The following SORCS1 variants were observed in gnomAD, a reference collection of about 807,000 sequenced individuals.
SORCS1 encodes the protein VPS10 domain-containing receptor SorCS1.
Under a neutral mutation model 146.1 loss-of-function variants are expected in SORCS1, and 60 were observed. The observed-to-expected ratio is 0.41, with a 90% CI of 0.33 to 0.51. The LOEUF (loss-of-function observed/expected upper bound fraction) is 0.51, where lower values mean the gene tolerates loss of function less well. Among genes scored for constraint, SORCS1 ranks in the 20% least tolerant of loss-of-function variants. The probability of loss-of-function intolerance (pLI) is 0.21; values close to 1 mark genes in which losing one functional copy is unlikely to be tolerated. For synonymous variants in SORCS1, 637 were observed against 584.0 expected (o/e 1.09, Z -1.31); for missense variants, 1,352 against 1,487.6 (o/e 0.91, Z 1.50).
chr10:106,716,104 G>A (rs940513692), intron 6 of SORCS1, among the ~76,000 whole-genome samples: 2 of 151,992 alleles, frequency 1.3e-5, no homozygotes, highest in Non-Finnish European at 2.9e-5. Context: ...TTTTAAGTAC[G>A]TTTTTAAAAA....
chr10:107,157,911 G>A (rs1205558629), intron 1 of SORCS1, among the ~76,000 whole-genome samples: 1 of 152,170 alleles, frequency 6.6e-6, no homozygotes, highest in African/African-American at 2.4e-5. Flanking sequence ...TCCCCTCCAG[G>A]AGACACAAGT....
chr10:107,060,041 ATG>A lies in SORCS1; in HGVS notation c.559-103463_559-103462del, dbSNP rs1961030920. 6.6e-6 allele frequency among the ~76,000 whole-genome samples: 1 copy of A among 152,090 alleles called. No individual in the cohort carries two copies. The highest frequency in any genetic ancestry group is 6.5e-5 in the Admixed American group (1 of 15,270). On this transcript the variant is annotated intron_variant, in intron 1 of 25. Transcript: ENST00000263054. This position sits in a 1 kb window ranked among gnomAD's most constrained non-coding sequence, Gnocchi z 4.1. ...ATGACACAGTGGTCTTTAATCTACC[ATG>A]TGTCCTCATACACAGAATCCTTATC... is the stretch of plus-strand genomic sequence containing the variant.
At chr10:107,016,822 T>A (rs963772567) in intron 1 of SORCS1, among the ~76,000 whole-genome samples, 1 of 151,968 alleles carries the variant, frequency 6.6e-6, no homozygotes, top group Admixed American at 6.5e-5. Context: ...AATCCTTCAA[T>A]CAAAAGAAAA....
intron 5 of SORCS1, among the ~76,000 whole-genome samples, chr10:106,731,886 AAG>A (rs1564908632): frequency 6.6e-6 from 1 of 152,190 alleles, no homozygotes; most frequent in African/African-American, 2.4e-5. Context: ...AAGAAAAGGA[AAG>A]AAGTTAGGAG....
chr10:107,109,858 G>A (rs1965573670), intron 1 of SORCS1, among the ~76,000 whole-genome samples: 1 of 152,126 alleles, frequency 6.6e-6, no homozygotes, highest in Non-Finnish European at 1.5e-5. Flanking sequence ...TGATAGGTAG[G>A]CTATTAGAAG....
intron 9 of SORCS1, among the ~76,000 whole-genome samples, chr10:106,694,184 C>A (rs1445154429): frequency 6.6e-6 from 1 of 152,152 alleles, no homozygotes; most frequent in Non-Finnish European, 1.5e-5. Flanking sequence ...TCTCTGTTGC[C>A]TCAACCAAAG....
At chr10:106,657,604 T>C (rs577596253) in intron 17 of SORCS1, among the ~76,000 whole-genome samples, 26 of 151,064 alleles carry the variant, frequency 1.7e-4, no homozygotes, top group African/African-American at 5.6e-4. Context: ...CCAAAAGGTA[T>C]TGAAATAATA....
intron 2 of SORCS1, among the ~76,000 whole-genome samples, chr10:106,923,288 C>CT (rs1351423993): frequency 1.3e-5 from 2 of 152,158 alleles, no homozygotes; most frequent in Non-Finnish European, 2.9e-5. Flanking sequence ...GGCTCTTTTG[C>CT]TTAGTAATAA....
At chr10:107,004,138 T>C (rs1957338149) in intron 1 of SORCS1, among the ~76,000 whole-genome samples, 1 of 129,624 alleles carries the variant, frequency 7.7e-6, no homozygotes, top group African/African-American at 3.1e-5. Flanking sequence ...ATTGCGCCAC[T>C]GCACTCCAGC....
At chr10:106,591,455 G>A (rs1266662928) in intron 24 of SORCS1, among the ~76,000 whole-genome samples, 2 of 152,200 alleles carry the variant, frequency 1.3e-5, no homozygotes, top group Admixed American at 6.5e-5. Flanking sequence ...ATGTCATGGG[G>A]ACAGGTTCAC....
At chr10:106,867,668 A>C (rs1950270827) in intron 2 of SORCS1, among the ~76,000 whole-genome samples, 1 of 152,236 alleles carries the variant, frequency 6.6e-6, no homozygotes, top group African/African-American at 2.4e-5. Context: ...AGGAGAAATA[A>C]GTTCCTTTTC....
chr10:106,756,939 A>C (rs1858689346), intron 5 of SORCS1, among the ~76,000 whole-genome samples: 1 of 152,002 alleles, frequency 6.6e-6, no homozygotes, highest in Non-Finnish European at 1.5e-5. Flanking sequence ...TGCTATATAA[A>C]CCCATACTTT....
Position 106,821,394 on chromosome 10 carries a change from C to T in SORCS1, c.726+8180G>A, listed in dbSNP as rs1246094564. ...CCTTTCTACCTATTTATTGAGCTAG[C>T]TAAATACCTGTATCTTTTAAAAATA... On this transcript the variant is annotated intron_variant, in intron 3 of 25. Coordinates refer to ENST00000263054, the MANE Select transcript of SORCS1 (RefSeq NM_052918.5). 3.9e-5 allele frequency among the ~76,000 whole-genome samples: 6 copies of T among 152,234 alleles called. 1 individual carries two copies. Among genetic ancestry groups the T allele is most frequent in the Admixed American group, 3.9e-4 (6 of 15,302 alleles).
chr10:106,729,500 G>C (rs1223890654), intron 6 of SORCS1, among the ~76,000 whole-genome samples: 1 of 151,632 alleles, frequency 6.6e-6, no homozygotes, highest in African/African-American at 2.4e-5. Context: ...AAGACAGTGA[G>C]GCATGGCCTG....
Position 106,926,452 on chromosome 10 carries a change from A to T in SORCS1, c.626+30061T>A, listed in dbSNP as rs553187537. Among the ~76,000 whole-genome samples the T allele has an allele frequency of 3.3e-5, 5 of 152,294 alleles. No homozygotes were observed. The East Asian group carries it at 9.7e-4, about 29-fold the overall frequency. ...ATCTGAAAAGTGGGGATTAAAAAAA[A>T]GTAACTGCCTGAATGGGCTGCTGTG... On this transcript the variant is annotated intron_variant, in intron 2 of 25. Transcript: ENST00000263054.
At chr10:106,891,565 C>G (rs765796557) in intron 2 of SORCS1, among the ~76,000 whole-genome samples, 1 of 141,656 alleles carries the variant, frequency 7.1e-6, no homozygotes, top group Non-Finnish European at 1.5e-5. Context: ...AGTGGCATCA[C>G]CATAGCTCAC....
chr10:106,933,076 T>C (rs566471500), intron 2 of SORCS1, among the ~76,000 whole-genome samples: 1 of 152,332 alleles, frequency 6.6e-6, no homozygotes, highest in South Asian at 2.1e-4. Context: ...TACATGTAGA[T>C]GATGAATTTG....
chr10:106,707,309 C>A (rs887799866), intron 7 of SORCS1, among the ~76,000 whole-genome samples: 37 of 152,074 alleles, frequency 2.4e-4, no homozygotes, highest in African/African-American at 7.2e-4. Context: ...CTGCCTTAGC[C>A]TCCAGAGTAT....
chr10:107,082,131 T>G (rs1963374774), intron 1 of SORCS1, among the ~76,000 whole-genome samples: 1 of 145,456 alleles, frequency 6.9e-6, no homozygotes. Context: ...TGTTTGATTT[T>G]TAATCACACC....
Sources: allele counts gnomAD v4.1 joint callset (sites outside exome capture counted in the v4.1 genomes callset), GRCh38; gene constraint gnomAD v4.1.1; non-coding constraint Gnocchi (gnomAD v3.1); transcripts MANE v1.5; gene names NCBI Gene and HGNC (gene_info 2026-07-23, HGNC 2026-07-21).